MAGEB10: variants seen among roughly 807,000 people sequenced by gnomAD.
The protein encoded by MAGEB10 is MAGE family member B10.
For synonymous variants in MAGEB10, 99 were observed against 101.0 expected (o/e 0.98, Z 0.12); for missense variants, 190 against 261.9 (o/e 0.73, Z 1.89).
At chrX:27,809,949 C>T (rs1200213183) in intron 1 of MAGEB10, among the ~76,000 whole-genome samples, 1 of 110,052 alleles carries the variant, frequency 9.1e-6, no homozygotes, top group African/African-American at 3.3e-5. Context: ...CTTGTGTCAA[C>T]ACTCTGTATC....
chrX:27,821,282 G>C lies in MAGEB10; in HGVS notation c.-25G>C, dbSNP rs1191346073. ...GGTCACGGGATCACCTGCCTTTTTG[G>C]CTGCTGCACCTGAACAGAGTCATCA... On this transcript the variant is annotated 5_prime_UTR_variant, in exon 3 of 3. Coordinates refer to ENST00000356790, the MANE Select transcript of MAGEB10 (RefSeq NM_182506.3). The C allele has an allele frequency of 1.7e-6, 2 of 1,175,502 alleles. No homozygotes were observed. Among genetic ancestry groups the C allele is most frequent in the Non-Finnish European group, 2.3e-6 (2 of 872,368 alleles).
chrX:27,818,904 C>A (rs1923830854), intron 2 of MAGEB10, among the ~76,000 whole-genome samples: 1 of 111,555 alleles, frequency 9.0e-6, no homozygotes, highest in African/African-American at 3.3e-5. Context: ...AAATTTACAT[C>A]ATTTCTCACT....
intron 2 of MAGEB10, among the ~76,000 whole-genome samples, 198 bp downstream of exon 2, chrX:27,817,900 T>A (rs986156519): frequency 2.7e-5 from 3 of 111,496 alleles, no homozygotes; most frequent in Non-Finnish European, 5.6e-5. Flanking sequence ...ACTGGAACAA[T>A]TTCCAGAATC....
intron 1 of MAGEB10, among the ~76,000 whole-genome samples, chrX:27,817,328 A>G (rs1031267486): frequency 9.1e-6 from 1 of 110,304 alleles, no homozygotes; most frequent in Non-Finnish European, 1.9e-5. Context: ...GTTGCCAAAA[A>G]TTCTAATACA....
At chrX:27,809,411 G>A (rs1247074604) in intron 1 of MAGEB10, among the ~76,000 whole-genome samples, 8 of 5,820 alleles carry the variant, frequency 1.4e-3, no homozygotes, top group Non-Finnish European at 2.2e-3. Flanking sequence ...CTCCAACCCC[G>A]CCAGCCCCCC....
At chrX:27,816,203 C>T (rs1332472869) in intron 1 of MAGEB10, among the ~76,000 whole-genome samples, 8 of 110,725 alleles carry the variant, frequency 7.2e-5, no homozygotes, top group Non-Finnish European at 1.5e-4. Flanking sequence ...TGTAGGCAAT[C>T]CAGTGTAATC....
intron 1 of MAGEB10, among the ~76,000 whole-genome samples, chrX:27,811,137 G>A (rs1280161861): frequency 1.8e-5 from 2 of 109,862 alleles, no homozygotes; most frequent in East Asian, 5.8e-4. Context: ...AGTAAAAGAG[G>A]ATTCATAGAG....
At chrX:27,809,633 G>T (rs1317045699) in intron 1 of MAGEB10, among the ~76,000 whole-genome samples, 1 of 66,467 alleles carries the variant, frequency 1.5e-5, no homozygotes, top group African/African-American at 5.8e-5. Flanking sequence ...CCCCCGCTCT[G>T]CGGTGCCCAG....
intron 1 of MAGEB10, among the ~76,000 whole-genome samples, chrX:27,809,385 C>A (rs1367376086): frequency 1.7e-5 from 1 of 58,904 alleles, no homozygotes; most frequent in African/African-American, 7.1e-5. Flanking sequence ...CCCACCCCCC[C>A]AACCCCGCCA....
chrX:27,821,200 G>A (rs144053408), intron 2 of MAGEB10, 58 bp from the exon 3 acceptor site: 8,100 of 691,612 alleles, frequency 0.012, 57 homozygotes, highest in Non-Finnish European at 0.014. Flanking sequence ...CGTCAATAAA[G>A]CTAAAGTTGT....
chrX:27,811,501 A>G (rs761219897), intron 1 of MAGEB10, among the ~76,000 whole-genome samples: 2 of 111,416 alleles, frequency 1.8e-5, no homozygotes, highest in East Asian at 5.7e-4. Flanking sequence ...TTCAGCAGTG[A>G]GATAACAGGT....
At chrX:27,821,224 A>G in intron 2 of MAGEB10, 34 bp from the exon 3 acceptor site, 1 of 856,033 alleles carries the variant, frequency 1.2e-6, no homozygotes, top group Non-Finnish European at 1.7e-6. Flanking sequence ...TCTCTGCTGA[A>G]TGGGCACACC....
intron 1 of MAGEB10, among the ~76,000 whole-genome samples, chrX:27,815,717 T>C (rs779585461): frequency 8.9e-6 from 1 of 112,182 alleles, no homozygotes; most frequent in South Asian, 3.7e-4. Context: ...ACTAGGAGCA[T>C]GTAGTAGATT....
rs147336706 is a variant in MAGEB10, at chrX:27,821,345, A to G, written c.39A>G (p.Glu13=). 9.1e-4 allele frequency: 1,105 copies of G among 1,209,973 alleles called. 6 individuals are homozygous for G. In the African/African-American group the frequency reaches 0.017, roughly 18 times the overall value. The change falls in exon 3 of 3, where the codon GAA becomes GAG. Residue 13 remains glutamate, a synonymous_variant. Coordinates refer to ENST00000356790, the MANE Select transcript of MAGEB10 (RefSeq NM_182506.3). The part of the protein sequence containing the change: ...RGQKSKLRAR[E]KRRQARGGLE... ...AGAAGAGTAAACTCCGTGCCAGGGA[A>G]AAACGCCGTCAGGCCCGAGGAGGGC... is the stretch of plus-strand genomic sequence containing the variant.
chrX:27,809,355 C>G (rs1461840734), intron 1 of MAGEB10, among the ~76,000 whole-genome samples: 1 of 95,985 alleles, frequency 1.0e-5, no homozygotes, highest in Non-Finnish European at 2.1e-5. Context: ...GGACCTGCAG[C>G]CCGCCATTCC....
intron 1 of MAGEB10, among the ~76,000 whole-genome samples, chrX:27,809,401 CT>C (rs1342805841): frequency 2.0e-5 from 1 of 50,928 alleles, no homozygotes; most frequent in Non-Finnish European, 3.5e-5. Context: ...CGCCAGCCCC[CT>C]CCAACCCCGC....
chrX:27,821,369 G>A lies in MAGEB10; in HGVS notation c.63G>A (p.Gly21=), dbSNP rs1569213116. ...AAAAACGCCGTCAGGCCCGAGGAGG[G>A]CTGGAAGATTTGATAGATGCTCTGG... ...AREKRRQARG[G]LEDLIDALDI... The change falls in exon 3 of 3, where the codon GGG becomes GGA. Residue 21 remains glycine, a synonymous_variant. Coordinates refer to ENST00000356790, the MANE Select transcript of MAGEB10 (RefSeq NM_182506.3). The A allele has an allele frequency of 2.5e-6, 3 of 1,211,861 alleles. No homozygotes were observed. Among genetic ancestry groups the A allele is most frequent in the Non-Finnish European group, 2.2e-6 (2 of 895,510 alleles).
In MAGEB10 at chrX:27,822,348, T is replaced by C; in HGVS notation, c.1042T>C (p.Ter348GlnextTer30). ...VKSSKSSQLQ* is the reference protein window; with the variant it reads ...VKSSKSSQLQQ ...GTCCAGCAAGTCCTCCCAACTGCAG[T>C]AAAGTCTGAGGGAGATTCTTCATTT... The change falls in exon 3 of 3, where the codon TAA (stop) becomes CAA (glutamine). Residue 348 changes from the stop codon to glutamine, a stop_lost. Transcript: ENST00000356790. 1 of 1,200,966 alleles carries C rather than the reference T, an allele frequency of 8.3e-7. No individual in the cohort carries two copies. Among genetic ancestry groups the C allele is most frequent in the Non-Finnish European group, 1.1e-6 (1 of 889,834 alleles).
chrX:27,810,377 AC>A (rs1425582822), intron 1 of MAGEB10, among the ~76,000 whole-genome samples: 3 of 111,160 alleles, frequency 2.7e-5, no homozygotes, highest in African/African-American at 9.8e-5. Context: ...GAACTGTAAC[AC>A]TCACCACGAG....
Sources: gnomAD v4.1 joint callset for allele counts (sites outside exome capture counted in the v4.1 genomes callset) on GRCh38, gnomAD v4.1.1 for gene constraint, MANE v1.5 for transcripts, NCBI Gene and HGNC (gene_info 2026-07-23, HGNC 2026-07-21) for gene names.